The following PLEKHN1 variants were observed in gnomAD, a reference collection of about 807,000 sequenced individuals.
PLEKHN1 encodes pleckstrin homology domain-containing family N member 1.
PLEKHN1 carries 68 observed loss-of-function variants against 72.8 expected under a neutral mutation model. The ratio of observed to expected loss-of-function variants is 0.93; its 90% CI spans 0.77 to 1.14. The LOEUF (loss-of-function observed/expected upper bound fraction) is 1.14. Among genes scored for constraint, PLEKHN1 ranks in the 50% most tolerant of loss-of-function variants. The pLI, the probability that PLEKHN1 is intolerant of heterozygous loss-of-function variation, is 0.00. For synonymous variants in PLEKHN1, 454 were observed against 371.6 expected, an observed-to-expected ratio of 1.22 and a Z score of -2.55; for missense variants, 1,015 against 840.5, an observed-to-expected ratio of 1.21 and a Z score of -2.57.
chr1:973,718 C>T, intron 13 of PLEKHN1, 78 bp downstream of exon 13: 1 of 1,574,596 alleles, frequency 6.4e-7, no homozygotes, highest in South Asian at 1.1e-5. Flanking sequence ...CCGTGCGTCT[C>T]ACCCTGGGGT....
intron 15 of PLEKHN1, 26 bp from the exon 16 acceptor site, chr1:974,416 T>G: frequency 6.2e-7 from 1 of 1,612,922 alleles, no homozygotes; most frequent in Non-Finnish European, 8.5e-7. Flanking sequence ...TCCCACAGGC[T>G]GACACATCTC....
At position 971,419 on chromosome 1, in the gene PLEKHN1, A is replaced by C. The variant is rs754633805; in HGVS notation, c.789+15A>C. On this transcript the variant is annotated intron_variant, in intron 8 of 15. Transcript: ENST00000379410. ...TTTGCTTCAAGGTGGGCCCCTCCCCACTGTGGGCCCGCCCCAGGGAGGCAG... is the reference window on the plus strand; with the variant it reads ...TTTGCTTCAAGGTGGGCCCCTCCCCCCTGTGGGCCCGCCCCAGGGAGGCAG... 3.0e-5 allele frequency: 46 copies of C among 1,554,156 alleles called. No individual in the cohort carries two copies. Among genetic ancestry groups the C allele is most frequent in the Middle Eastern group, 4.5e-4 (2 of 4,486 alleles).
At chr1:968,265 T>G (rs1348339848) in intron 2 of PLEKHN1, among the ~76,000 whole-genome samples, 3 of 152,216 alleles carry the variant, frequency 2.0e-5, no homozygotes, top group Admixed American at 2.0e-4. Flanking sequence ...CAGCTAAGCT[T>G]GGCCAGGGCA....
Position 970,401 on chromosome 1 carries a change from A to G in PLEKHN1, c.308A>G (p.Gln103Arg), listed in dbSNP as rs1415584104. The change falls in exon 3 of 16, where the codon CAG (glutamine) becomes CGG (arginine). Residue 103 changes from glutamine to arginine, a missense_variant. Gln to Arg is a conservative substitution (Grantham distance 43). Coordinates refer to ENST00000379410, the MANE Select transcript of PLEKHN1 (RefSeq NM_032129.3). The surrounding 1 kb of genome is among the most constrained non-coding windows in gnomAD (Gnocchi z 4.2). ...LGKVVHYAKV[Q>R]LRFQHSQDVS... ...AAAGTTGTGCATTACGCCAAGGTCC[A>G]GCTGCGGTTCCAGCACAGCCAGGTG... The G allele has an allele frequency of 2.5e-6, 4 of 1,613,352 alleles. No individual in the cohort carries two copies. The highest frequency in any genetic ancestry group is 3.4e-6 in the Non-Finnish European group (4 of 1,179,956).
At position 974,860 on chromosome 1, in the gene PLEKHN1, C is replaced by T. The variant is rs548294591; in HGVS notation, c.*285C>T. The T allele has an allele frequency of 9.5e-5, 43 of 450,574 alleles. No homozygotes were observed. The highest frequency in any genetic ancestry group is 4.5e-4 in the African/African-American group (23 of 51,316). The allele number at this position is 450,574 out of a possible 1,614,324, so 27.9% of individuals were successfully genotyped here. The stretch of plus-strand genomic sequence containing the variant: ...CACAGGGTCGGCCCTCAGCTCAGCC[C>T]GCCAGGAGTCAGGGAGGAGACTCGC... On this transcript the variant is annotated 3_prime_UTR_variant, in exon 16 of 16. Transcript: ENST00000379410.
intron 8 of PLEKHN1, 125 bp downstream of exon 8, chr1:971,529 C>A: frequency 1.1e-6 from 1 of 920,080 alleles, no homozygotes; most frequent in Non-Finnish European, 1.7e-6. Context: ...CCCTGCCCAC[C>A]CAGCCCGCGG....
Position 970,574 on chromosome 1 carries a change from CCACGGCTCGGAAGGACT to C in PLEKHN1, c.388_404del (p.Gly130IlefsTer153). The C allele has an allele frequency of 2.5e-6, 4 of 1,612,938 alleles. No homozygotes were observed. The highest frequency in any genetic ancestry group is 3.4e-6 in the Non-Finnish European group (4 of 1,179,920). On this transcript the variant is annotated frameshift_variant, in exon 4 of 16. Coordinates refer to ENST00000379410, the MANE Select transcript of PLEKHN1 (RefSeq NM_032129.3). LOFTEE classifies it high-confidence loss of function. The surrounding 1 kb of genome is among the most constrained non-coding windows in gnomAD (Gnocchi z 4.2). ...TCCCCGCCCACCTGTACTTCCAGGC[CCACGGCTCGGAAGGACT>C]CACATTTCAGGTGAGGCGGTGGGCA... is the stretch of plus-strand genomic sequence containing the variant.
intron 2 of PLEKHN1, among the ~76,000 whole-genome samples, chr1:967,077 G>A (rs1240709997): frequency 6.6e-6 from 1 of 152,204 alleles, no homozygotes; most frequent in Non-Finnish European, 1.5e-5. Context: ...CTCCCGCAGG[G>A]GACCAGCGCA....
At chr1:969,726 CTG>C (rs1374015521) in intron 2 of PLEKHN1, among the ~76,000 whole-genome samples, 6 of 150,620 alleles carry the variant, frequency 4.0e-5, no homozygotes, top group Admixed American at 1.3e-4. Context: ...GTGTATGCAT[CTG>C]TGTCTGTATT....
At chr1:972,048 G>GCCTGGC (rs1394422476) in intron 8 of PLEKHN1, 27 bp from the exon 9 acceptor site, 1 of 1,608,088 alleles carries the variant, frequency 6.2e-7, no homozygotes, top group Non-Finnish European at 8.5e-7. Context: ...CCCTACAAAG[G>GCCTGGC]CCTGGCCCTC....
chr1:970,486 C>T lies in PLEKHN1; in HGVS notation c.331-35C>T. The T allele has an allele frequency of 6.2e-7, 1 of 1,613,102 alleles. No homozygotes were observed. ...GCATCCCCATCAGCCTGGGGCTCCC[C>T]AGACTCCGCACTGACGACCCTGCTC... is the stretch of plus-strand genomic sequence containing the variant. On this transcript the variant is annotated intron_variant, in intron 3 of 15. Coordinates refer to ENST00000379410, the MANE Select transcript of PLEKHN1 (RefSeq NM_032129.3). This position sits in a 1 kb window ranked among gnomAD's most constrained non-coding sequence, Gnocchi z 4.2.
chr1:968,948 G>A (rs1035193059), intron 2 of PLEKHN1, among the ~76,000 whole-genome samples: 8 of 152,298 alleles, frequency 5.3e-5, no homozygotes, highest in African/African-American at 1.2e-4. Context: ...TGAGGCATAC[G>A]GAGCGGCCAA....
chr1:970,226 G>C lies in PLEKHN1; in HGVS notation c.184-51G>C, dbSNP rs540662886. 145 of 1,593,034 alleles carry C rather than the reference G, an allele frequency of 9.1e-5. No homozygotes were observed. In the East Asian group the frequency reaches 3.0e-3, roughly 33 times the overall value. ...TGTAGCTGTGTGGATGCGAGCGGAG[G>C]GGGTGGGGGGCCCAGGGGAGGCCCC... On this transcript the variant is annotated intron_variant, in intron 2 of 15. Transcript: ENST00000379410. The surrounding 1 kb of genome is among the most constrained non-coding windows in gnomAD (Gnocchi z 4.2).
At position 970,622 on chromosome 1, in the gene PLEKHN1, G is replaced by C; in HGVS notation, c.411+21G>C. 1 of 1,609,874 alleles carries C rather than the reference G, an allele frequency of 6.2e-7. No homozygotes were observed. Among genetic ancestry groups the C allele is most frequent in the Non-Finnish European group, 8.5e-7 (1 of 1,178,020 alleles). ...TTCAGGTGAGGCGGTGGGCAATGGG[G>C]TGGGGCCATGGCCGCCCTTCCCTCC... On this transcript the variant is annotated intron_variant, in intron 4 of 15. Coordinates refer to ENST00000379410, the MANE Select transcript of PLEKHN1 (RefSeq NM_032129.3). The surrounding 1 kb of genome is among the most constrained non-coding windows in gnomAD (Gnocchi z 4.2).
At chr1:971,302 G>A in intron 7 of PLEKHN1, 22 bp from the exon 8 acceptor site, 1 of 1,559,418 alleles carries the variant, frequency 6.4e-7, no homozygotes, top group Non-Finnish European at 8.7e-7. Context: ...CTCATCGCCT[G>A]ACCCCACCCC....
Position 974,031 on chromosome 1 carries a change from C to A in PLEKHN1, c.1633C>A (p.Pro545Thr), listed in dbSNP as rs771451427. 323 of 1,590,638 alleles carry A rather than the reference C, an allele frequency of 2.0e-4. 8 individuals carry two copies. The highest frequency in any genetic ancestry group is 9.3e-4 in the South Asian group (83 of 89,046). ...CTCAGCCAAGGATGGGGGGCCGCAG[C>A]CCCCAGACGCCCCTCAGCTTGTGAG... ...RGSAKDGGPQ[P>T]PDAPQLVSSA... Residue 545 changes from proline (P) to threonine (T), a missense_variant, in exon 14 of 16, where the codon CCC becomes ACC. Transcript: ENST00000379410.
In PLEKHN1 at chr1:974,798, C is replaced by T. The variant is rs2100487056; in HGVS notation, c.*223C>T. On this transcript the variant is annotated 3_prime_UTR_variant, in exon 16 of 16. Transcript: ENST00000379410. ...CCCATCCAAAGGATGCCCTGGCCAG[C>T]GAGGCTGGGTCACAGGTCAGGGAGG... 4.8e-6 allele frequency: 3 copies of T among 623,560 alleles called. No homozygotes were observed. The highest frequency in any genetic ancestry group is 2.9e-5 in the East Asian group (1 of 34,632). 38.6% of individuals were successfully genotyped at this position (623,560 alleles called of 1,614,324 possible). A position where few individuals can be genotyped will look rare whatever the true frequency, so the allele number is the denominator to read the frequency against.
intron 7 of PLEKHN1, 55 bp from the exon 8 acceptor site, chr1:971,269 C>T (rs1000830967): frequency 6.9e-5 from 107 of 1,554,544 alleles, no homozygotes; most frequent in Admixed American, 1.9e-4. Flanking sequence ...GTGGGCAGGG[C>T]GGTGCAACAG....
Position 970,898 on chromosome 1 carries a change from C to T in PLEKHN1, c.504C>T (p.Leu168=). 1 of 1,611,018 alleles carries T rather than the reference C, an allele frequency of 6.2e-7. No individual in the cohort carries two copies. Among genetic ancestry groups the T allele is most frequent in the East Asian group, 2.2e-5 (1 of 44,864 alleles). The change falls in exon 6 of 16, where the codon CTC becomes CTT. Residue 168 remains leucine, a synonymous_variant. Transcript: ENST00000379410. The surrounding 1 kb of genome is among the most constrained non-coding windows in gnomAD (Gnocchi z 4.2). ...FQITGPLPAP[L]LVLCPSRAEL... is the part of the protein sequence containing the mutation. Reference sequence around the variant, plus strand: ...CCGCAGGCCCACTGCCCGCACCCCTCCTGGTGCTCTGCCCCAGCCGGGCCG... The same window carrying T: ...CCGCAGGCCCACTGCCCGCACCCCTTCTGGTGCTCTGCCCCAGCCGGGCCG...
Sources: gnomAD v4.1 joint callset for allele counts (sites outside exome capture counted in the v4.1 genomes callset) on GRCh38, gnomAD v4.1.1 for gene constraint, Gnocchi (gnomAD v3.1) non-coding constraint, MANE v1.5 for transcripts, NCBI Gene and HGNC (gene_info 2026-07-23, HGNC 2026-07-21) for gene names.